Variants in CDH12 observed in about 807,000 individuals in gnomAD.
CDH12 encodes cadherin-12.
Under a neutral mutation model 74.1 loss-of-function variants are expected in CDH12, and 41 were observed. The ratio of observed to expected loss-of-function variants is 0.55; its 90% confidence interval spans 0.43 to 0.72. The LOEUF (loss-of-function observed/expected upper bound fraction) is 0.72, where lower values mean the gene tolerates loss of function less well. CDH12 is among the 30% of genes least tolerant of loss of function. The pLI is 0.00. For missense variants in CDH12, 945 were observed against 977.2 expected (o/e 0.97, Z 0.44); for synonymous variants, 399 against 355.0 (o/e 1.12, Z -1.39).
chr5:22,236,636 A>G (rs903633206), intron 3 of CDH12, among the ~76,000 whole-genome samples: 1 of 152,198 alleles, frequency 6.6e-6, no homozygotes, highest in African/African-American at 2.4e-5. Flanking sequence ...ATTCCCAACT[A>G]CTTGGGAGGC....
intron 2 of CDH12, among the ~76,000 whole-genome samples, chr5:22,461,822 T>C (rs1745538739): frequency 6.6e-6 from 1 of 151,894 alleles, no homozygotes; most frequent in South Asian, 2.1e-4. Context: ...TCATTATACT[T>C]CTCCATTTCT....
chr5:22,306,787 A>G (rs1033069817), intron 3 of CDH12, among the ~76,000 whole-genome samples: 3 of 152,186 alleles, frequency 2.0e-5, no homozygotes, highest in Non-Finnish European at 4.4e-5. Context: ...GCTGCTTAAG[A>G]TACTTATAAA....
chr5:22,316,395 A>T (rs1738636045), intron 3 of CDH12, among the ~76,000 whole-genome samples: 1 of 152,182 alleles, frequency 6.6e-6, no homozygotes, highest in Non-Finnish European at 1.5e-5. Flanking sequence ...CTGCCTTTGC[A>T]TTCTTCATAT....
At chr5:22,285,401 G>T (rs934022466) in intron 3 of CDH12, among the ~76,000 whole-genome samples, 2 of 152,088 alleles carry the variant, frequency 1.3e-5, no homozygotes, top group African/African-American at 2.4e-5. Context: ...GACATGGATA[G>T]ACATGGATAT....
chr5:22,480,156 G>C (rs1746328152), intron 2 of CDH12, among the ~76,000 whole-genome samples: 1 of 151,870 alleles, frequency 6.6e-6, no homozygotes, highest in Non-Finnish European at 1.5e-5. Context: ...AAACACATAG[G>C]CTTCAAGATA....
At chr5:21,904,681 G>A (rs185844700) in intron 6 of CDH12, among the ~76,000 whole-genome samples, 24 of 152,230 alleles carry the variant, frequency 1.6e-4, no homozygotes, top group Admixed American at 1.4e-3. Context: ...TTGGGAGGCT[G>A]AGACAAAAGG....
At position 22,764,191 on chromosome 5, in the gene CDH12, G is replaced by T. The variant is rs1746380888; in HGVS notation, c.-523+88867C>A. Among the ~76,000 whole-genome samples, 3 of 151,770 alleles carry T rather than the reference G, an allele frequency of 2.0e-5. No individual in the cohort carries two copies. In the South Asian group the frequency reaches 6.2e-4, roughly 32 times the overall value. On this transcript the variant is annotated intron_variant, in intron 1 of 14. Transcript: ENST00000382254. ...TTTAATTGTTTTGATTTTACCTCAGGTTTTTGCACTTATTCAATACCCAAT... is the reference window on the plus strand; with the variant it reads ...TTTAATTGTTTTGATTTTACCTCAGTTTTTTGCACTTATTCAATACCCAAT...
chr5:21,977,929 T>C (rs1455211460), intron 5 of CDH12, among the ~76,000 whole-genome samples: 1 of 150,264 alleles, frequency 6.7e-6, no homozygotes, highest in Admixed American at 6.6e-5. Flanking sequence ...CGTTGACAGG[T>C]AATATTTAAA....
intron 1 of CDH12, among the ~76,000 whole-genome samples, chr5:22,647,079 TA>T (rs1739473546): frequency 6.6e-6 from 1 of 151,786 alleles, no homozygotes; most frequent in Non-Finnish European, 1.5e-5. Context: ...GTGAACAATA[TA>T]AAGACCCACA....
intron 1 of CDH12, among the ~76,000 whole-genome samples, chr5:22,708,527 A>T (rs928164496): frequency 1.3e-5 from 2 of 152,132 alleles, no homozygotes; most frequent in African/African-American, 4.8e-5. Context: ...AAGCCTCCTG[A>T]GACAAAGGGT....
intron 2 of CDH12, among the ~76,000 whole-genome samples, chr5:22,421,324 G>T (rs4701279): frequency 0.27 from 41,349 of 151,978 alleles, 5,688 homozygotes; most frequent in East Asian, 0.35. Context: ...TTCTCCTAAT[G>T]CTAGCCCTCC....
chr5:21,984,460 G>C (rs1469104096), intron 5 of CDH12, among the ~76,000 whole-genome samples: 1 of 152,066 alleles, frequency 6.6e-6, no homozygotes, highest in East Asian at 1.9e-4. Context: ...TGCCAAATCT[G>C]GGTCTCTTTC....
chr5:22,167,726 T>G (rs1748766476), intron 4 of CDH12, among the ~76,000 whole-genome samples: 1 of 152,196 alleles, frequency 6.6e-6, no homozygotes, highest in African/African-American at 2.4e-5. Context: ...ACTCTTATTT[T>G]ACATAGATTT....
intron 4 of CDH12, among the ~76,000 whole-genome samples, chr5:22,203,519 A>G (rs1372128559): frequency 1.3e-5 from 2 of 152,190 alleles, no homozygotes; most frequent in Admixed American, 6.5e-5. Flanking sequence ...GGTTGATGCC[A>G]TATCTTGGCT....
chr5:22,072,417 A>T (rs969698743), intron 5 of CDH12, among the ~76,000 whole-genome samples: 1 of 151,936 alleles, frequency 6.6e-6, no homozygotes, highest in East Asian at 1.9e-4. Context: ...AAATTAAATC[A>T]TCCTTCAAGA....
intron 2 of CDH12, among the ~76,000 whole-genome samples, chr5:22,453,050 G>A (rs1489990215): frequency 6.6e-6 from 1 of 151,902 alleles, no homozygotes; most frequent in Non-Finnish European, 1.5e-5. Flanking sequence ...CCTCACTGCA[G>A]TTAAAATGGC....
At chr5:22,582,079 C>T (rs1007849798) in intron 1 of CDH12, among the ~76,000 whole-genome samples, 1 of 152,160 alleles carries the variant, frequency 6.6e-6, no homozygotes, top group East Asian at 1.9e-4. Context: ...TACCCTCTGG[C>T]CCCAAATCAA....
At chr5:22,564,507 A>C (rs1739202726) in intron 1 of CDH12, among the ~76,000 whole-genome samples, 1 of 152,180 alleles carries the variant, frequency 6.6e-6, no homozygotes, top group African/African-American at 2.4e-5. Context: ...ATTTGTAATA[A>C]TTGTAATATT....
intron 3 of CDH12, among the ~76,000 whole-genome samples, chr5:22,382,318 C>T (rs1220653676): frequency 6.7e-6 from 1 of 148,160 alleles, no homozygotes; most frequent in Non-Finnish European, 1.5e-5. Flanking sequence ...TGTCTACATA[C>T]ATATAGAAAA....
Sources: allele counts gnomAD v4.1 joint callset (sites outside exome capture counted in the v4.1 genomes callset), GRCh38; gene constraint gnomAD v4.1.1; transcripts MANE v1.5; gene names NCBI Gene and HGNC (gene_info 2026-07-23, HGNC 2026-07-21).